SORCS1: variants seen among roughly 807,000 people sequenced by gnomAD.
SORCS1 encodes the protein sortilin related VPS10 domain containing receptor 1.
Under a neutral mutation model 146.1 loss-of-function variants are expected in SORCS1, and 60 were observed. The observed-to-expected ratio is 0.41, with a 90% CI of 0.33 to 0.51. The LOEUF (loss-of-function observed/expected upper bound fraction) is 0.51, where lower values mean the gene tolerates loss of function less well. SORCS1 is among the 20% of genes least tolerant of loss of function. The pLI, the probability that SORCS1 is intolerant of heterozygous loss-of-function variation, is 0.21. For missense variants in SORCS1, 1,352 were observed against 1,487.6 expected, an observed-to-expected ratio of 0.91 and a Z score of 1.50; for synonymous variants, 637 against 584.0, an observed-to-expected ratio of 1.09 and a Z score of -1.31.
chr10:106,868,887 T>C (rs1950311076), intron 2 of SORCS1, among the ~76,000 whole-genome samples: 1 of 152,010 alleles, frequency 6.6e-6, no homozygotes, highest in Non-Finnish European at 1.5e-5. Flanking sequence ...ATTCAAAAGA[T>C]CAATGAGTCC....
intron 2 of SORCS1, among the ~76,000 whole-genome samples, chr10:106,832,314 G>A (rs962601794): frequency 2.6e-5 from 4 of 151,212 alleles, no homozygotes; most frequent in East Asian, 2.0e-4. Flanking sequence ...TCAGCCTCCC[G>A]AGTAGCTGGG....
At chr10:106,770,934 C>A (rs529538894) in intron 4 of SORCS1, among the ~76,000 whole-genome samples, 25 of 152,336 alleles carry the variant, frequency 1.6e-4, no homozygotes, top group Admixed American at 1.4e-3. Context: ...GTGGGAATTG[C>A]ACAGGACAGG....
Position 106,705,576 on chromosome 10 carries a change from G to A in SORCS1, c.1233+969C>T, listed in dbSNP as rs530527148. 1.3e-3 allele frequency among the ~76,000 whole-genome samples: 202 copies of A among 152,276 alleles called. 1 individual carries two copies. The highest frequency in any genetic ancestry group is 4.7e-3 in the African/African-American group (196 of 41,570). ...AGGTATGTTCTTTGTGCAACCCAAA[G>A]GCTTCAAAGTTGAGCTATAACTCTC... On this transcript the variant is annotated intron_variant, in intron 8 of 25. Transcript: ENST00000263054.
chr10:107,043,622 T>C (rs1959190648), intron 1 of SORCS1, among the ~76,000 whole-genome samples: 1 of 152,108 alleles, frequency 6.6e-6, no homozygotes, highest in Non-Finnish European at 1.5e-5. Context: ...AATTTCCCTA[T>C]TGTCTTCAGC....
At chr10:106,711,388 A>G (rs576824355) in intron 6 of SORCS1, among the ~76,000 whole-genome samples, 2 of 152,206 alleles carry the variant, frequency 1.3e-5, no homozygotes, top group Non-Finnish European at 2.9e-5. Context: ...GTAGAGATAG[A>G]TAAGCTAGAT....
At position 106,677,307 on chromosome 10, in the gene SORCS1, C is replaced by G; in HGVS notation, c.1832+6G>C. On this transcript the variant is annotated splice_donor_region_variant and intron_variant, in intron 13 of 25. Coordinates refer to ENST00000263054, the MANE Select transcript of SORCS1 (RefSeq NM_052918.5). ...TGCAGATTTCACAGGCAGCATGTGC[C>G]CTTACCAAAGATGTCGAATTGGGAG... 6.2e-7 allele frequency: 1 copy of G among 1,613,514 alleles called. No individual in the cohort carries two copies. Among genetic ancestry groups the G allele is most frequent in the Non-Finnish European group, 8.5e-7 (1 of 1,179,518 alleles).
chr10:107,076,901 T>C (rs183942676), intron 1 of SORCS1, among the ~76,000 whole-genome samples: 91 of 152,324 alleles, frequency 6.0e-4, no homozygotes, highest in African/African-American at 2.0e-3. Flanking sequence ...GAATAGTTAG[T>C]GTGTTGATTC....
At chr10:106,905,525 G>A (rs1951873713) in intron 2 of SORCS1, among the ~76,000 whole-genome samples, 1 of 152,124 alleles carries the variant, frequency 6.6e-6, no homozygotes, top group Non-Finnish European at 1.5e-5. Flanking sequence ...ACATTGCCCT[G>A]TTCAAGAAAA....
At position 107,068,589 on chromosome 10, in the gene SORCS1, G is replaced by A. The variant is rs147348114; in HGVS notation, c.558+95380C>T. 8.8e-3 allele frequency among the ~76,000 whole-genome samples: 1,345 copies of A among 152,132 alleles called. 25 individuals are homozygous for A. The highest frequency in any genetic ancestry group is 0.031 in the African/African-American group (1,285 of 41,528). ...TTCAGAAAGCTCACCATGAACTGCC[G>A]AGCATGGTGGCTCACGCCTGTAATC... On this transcript the variant is annotated intron_variant, in intron 1 of 25. Coordinates refer to ENST00000263054, the MANE Select transcript of SORCS1 (RefSeq NM_052918.5).
intron 24 of SORCS1, 64 bp from the exon 25 acceptor site, chr10:106,579,538 G>T: frequency 6.6e-7 from 1 of 1,524,946 alleles, no homozygotes. Context: ...CTCTATGAGA[G>T]GCTCAAATGT....
chr10:106,718,856 T>C (rs9630079), intron 6 of SORCS1, among the ~76,000 whole-genome samples: 172 of 141,882 alleles, frequency 1.2e-3, no homozygotes, highest in African/African-American at 4.8e-3. Flanking sequence ...AGACCGCTGA[T>C]GGGTGCGTTT....
chr10:106,712,697 T>A (rs1407791291), intron 6 of SORCS1, among the ~76,000 whole-genome samples: 3 of 152,174 alleles, frequency 2.0e-5, no homozygotes, highest in African/African-American at 7.2e-5. Context: ...AATATTTCTG[T>A]TTTCTGTTTT....
chr10:107,107,502 A>C (rs906174468), intron 1 of SORCS1, among the ~76,000 whole-genome samples: 2 of 152,250 alleles, frequency 1.3e-5, no homozygotes, highest in African/African-American at 4.8e-5. Context: ...TAAACAAAGC[A>C]CTGAAGGAGT....
intron 2 of SORCS1, among the ~76,000 whole-genome samples, chr10:106,922,249 C>T (rs946063465): frequency 6.6e-6 from 1 of 152,122 alleles, no homozygotes; most frequent in African/African-American, 2.4e-5. Flanking sequence ...CACACAACTA[C>T]CACTGAGCAC....
At chr10:107,174,838 TA>T in the SORCS1 span, among the ~76,000 whole-genome samples, 1 of 152,290 alleles carries the variant, frequency 6.6e-6, no homozygotes, top group Middle Eastern at 3.4e-3. Flanking sequence ...TAAAATATTG[TA>T]TGGGGAAAAT....
At chr10:107,099,179 T>C (rs1331982110) in intron 1 of SORCS1, among the ~76,000 whole-genome samples, 2 of 152,336 alleles carry the variant, frequency 1.3e-5, no homozygotes, top group East Asian at 1.9e-4. Flanking sequence ...TCAGTCTTGA[T>C]TGGCAGATAA....
intron 17 of SORCS1, among the ~76,000 whole-genome samples, chr10:106,657,386 A>G (rs181830351): frequency 2.0e-4 from 31 of 152,292 alleles, no homozygotes; most frequent in African/African-American, 6.0e-4. Flanking sequence ...GTTGTTACCT[A>G]TAAGTGGGAG....
chr10:106,715,837 C>A (rs369528453), intron 6 of SORCS1, among the ~76,000 whole-genome samples: 2 of 152,220 alleles, frequency 1.3e-5, no homozygotes, highest in African/African-American at 4.8e-5. Context: ...CAGGTCACTG[C>A]AACCTCCCGA....
chr10:107,165,935 GCTA>G (rs1233769873), upstream of SORCS1, among the ~76,000 whole-genome samples: 2 of 152,296 alleles, frequency 1.3e-5, no homozygotes, highest in Admixed American at 1.3e-4. The surrounding 1 kb of genome is among the most constrained non-coding windows in gnomAD (Gnocchi z 4.0). Context: ...CTAGCACCCT[GCTA>G]CTATTCGTAA....
Sources: allele counts gnomAD v4.1 joint callset (sites outside exome capture counted in the v4.1 genomes callset), GRCh38; gene constraint gnomAD v4.1.1; non-coding constraint Gnocchi (gnomAD v3.1); transcripts MANE v1.5; gene names NCBI Gene and HGNC (gene_info 2026-07-23, HGNC 2026-07-21).